NCOA2: variants seen among roughly 807,000 people sequenced by gnomAD.
NCOA2 encodes class E basic helix-loop-helix protein 75.
A neutral mutation model predicts 145.1 loss-of-function variants in NCOA2; 21 were observed. The observed-to-expected ratio is 0.14, with a 90% CI of 0.10 to 0.21. The LOEUF is 0.21. Among genes scored for constraint, NCOA2 ranks in the 10% least tolerant of loss-of-function variants. The pLI, the probability that NCOA2 is intolerant of heterozygous loss-of-function variation, is 1.00. For missense variants in NCOA2, 1,472 were observed against 1,837.6 expected (o/e 0.80, Z 3.64); for synonymous variants, 619 against 637.5 (o/e 0.97, Z 0.44).
intron 2 of NCOA2, among the ~76,000 whole-genome samples, chr8:70,229,505 C>G (rs994620230): frequency 6.6e-6 from 1 of 152,108 alleles, no homozygotes; most frequent in African/African-American, 2.4e-5. Context: ...AACTTCAGGG[C>G]ACCAAAGTGG....
chr8:70,328,646 A>G (rs974812529), intron 1 of NCOA2, among the ~76,000 whole-genome samples: 8 of 152,230 alleles, frequency 5.3e-5, no homozygotes, highest in Non-Finnish European at 1.2e-4. Flanking sequence ...GCAAGGTTCA[A>G]GACCATGTAC....
intron 2 of NCOA2, among the ~76,000 whole-genome samples, chr8:70,237,733 G>A (rs1259533223): frequency 2.6e-5 from 4 of 152,014 alleles, no homozygotes; most frequent in Non-Finnish European, 5.9e-5. Flanking sequence ...TCACATCACT[G>A]CACTCCAGCC....
intron 1 of NCOA2, among the ~76,000 whole-genome samples, chr8:70,335,963 A>G (rs1355818200): frequency 6.6e-6 from 1 of 152,190 alleles, no homozygotes; most frequent in African/African-American, 2.4e-5. Context: ...CAGTAAAAAT[A>G]CTGTCTGAAA....
chr8:70,328,297 G>C (rs1388791332), intron 1 of NCOA2, among the ~76,000 whole-genome samples: 1 of 152,152 alleles, frequency 6.6e-6, no homozygotes, highest in Non-Finnish European at 1.5e-5. Context: ...ATATTTCAGT[G>C]AAAGAAACCG....
upstream of NCOA2, among the ~76,000 whole-genome samples, chr8:70,408,257 A>G (rs574225794): frequency 1.2e-4 from 19 of 152,356 alleles, no homozygotes; most frequent in South Asian, 6.2e-4. Context: ...TTCACTAATG[A>G]TGATATAGTG....
chr8:70,297,302 G>T (rs553123622), intron 1 of NCOA2, among the ~76,000 whole-genome samples: 1 of 152,296 alleles, frequency 6.6e-6, no homozygotes, highest in East Asian at 1.9e-4. Context: ...AGGCCTGAAT[G>T]ACTAAATAAT....
chr8:70,305,243 C>T (rs1174990224), intron 1 of NCOA2, among the ~76,000 whole-genome samples: 1 of 151,732 alleles, frequency 6.6e-6, no homozygotes, highest in Non-Finnish European at 1.5e-5. Flanking sequence ...ACTTCCAACA[C>T]CTAAAGTACC....
chr8:70,343,612 G>C (rs946810160), intron 1 of NCOA2, among the ~76,000 whole-genome samples: 1 of 151,882 alleles, frequency 6.6e-6, no homozygotes, highest in African/African-American at 2.4e-5. Flanking sequence ...AGGAGAGTTC[G>C]AGACCAGCCT....
chr8:70,338,847 A>G lies in NCOA2; in HGVS notation c.-76-42047T>C, dbSNP rs563806385. Among the ~76,000 whole-genome samples the G allele has an allele frequency of 5.9e-5, 9 of 152,286 alleles. 1 individual carries two copies. Among genetic ancestry groups the G allele is most frequent in the African/African-American group, 2.2e-4 (9 of 41,562 alleles). ...TACATAAACTGCACTAAAGACAAAA[A>G]ACACATGATTATCTCAATACACGCA... On this transcript the variant is annotated intron_variant, in intron 1 of 22. Transcript: ENST00000452400.
intron 14 of NCOA2, among the ~76,000 whole-genome samples, chr8:70,139,294 T>C (rs535214568): frequency 6.6e-6 from 1 of 152,248 alleles, no homozygotes; most frequent in African/African-American, 2.4e-5. Context: ...ATAAAGCTTA[T>C]AGAGCCATAT....
the NCOA2 span, among the ~76,000 whole-genome samples, chr8:70,420,476 G>C: frequency 6.6e-6 from 1 of 152,182 alleles, no homozygotes; most frequent in Non-Finnish European, 1.5e-5. Flanking sequence ...CTAACTAAGA[G>C]AGAAGCAACC....
intron 1 of NCOA2, among the ~76,000 whole-genome samples, chr8:70,356,628 C>T (rs1219090485): frequency 6.6e-6 from 1 of 152,194 alleles, no homozygotes; most frequent in African/African-American, 2.4e-5. Flanking sequence ...TCCTGATTAA[C>T]CCTTTAAAAC....
intron 4 of NCOA2, among the ~76,000 whole-genome samples, chr8:70,190,903 T>G (rs1180991977): frequency 6.6e-6 from 1 of 152,040 alleles, no homozygotes; most frequent in Non-Finnish European, 1.5e-5. Context: ...ACATTATAAA[T>G]GAGAAAAATC....
At chr8:70,176,380 G>A (rs1814852161) in intron 4 of NCOA2, among the ~76,000 whole-genome samples, 1 of 152,112 alleles carries the variant, frequency 6.6e-6, no homozygotes, top group Admixed American at 6.5e-5. Context: ...CTCAATATTG[G>A]TGGATTTGTC....
chr8:70,156,111 C>T lies in NCOA2; in HGVS notation c.2254G>A (p.Asp752Asn), dbSNP rs1308878918. Residue 752 changes from aspartate to asparagine, a missense_variant, in exon 11 of 23, where the codon GAT (aspartate) becomes AAT (asparagine). By Grantham distance (23) the Asp-to-Asn change is conservative. Around this residue, in one of 4 missense-constraint regions of NCOA2, gnomAD observed 953 missense variants for 1,062.1 expected, o/e 0.90. Transcript: ENST00000452400. ...NALLRYLLDK[D>N]DTKDIGLPEI... ...GGTAAACCAATATCTTTAGTATCATCTTTATCTAGCAAATAGCGAAGTAGT... is the reference window on the plus strand; with the variant it reads ...GGTAAACCAATATCTTTAGTATCATTTTTATCTAGCAAATAGCGAAGTAGT... The T allele has an allele frequency of 1.9e-6, 3 of 1,613,872 alleles. No individual in the cohort carries two copies. The highest frequency in any genetic ancestry group is 1.7e-6 in the Non-Finnish European group (2 of 1,179,896).
At chr8:70,252,752 T>G (rs1050696555) in intron 2 of NCOA2, among the ~76,000 whole-genome samples, 2 of 152,238 alleles carry the variant, frequency 1.3e-5, no homozygotes, top group African/African-American at 2.4e-5. Context: ...ATTAATGTTT[T>G]CATTTATTCG....
chr8:70,388,273 T>C (rs1812851368), intron 1 of NCOA2, among the ~76,000 whole-genome samples: 2 of 152,242 alleles, frequency 1.3e-5, no homozygotes. Context: ...TCTCAAATTA[T>C]CATGCAGCTC....
chr8:70,277,994 A>T (rs902807312), intron 2 of NCOA2, among the ~76,000 whole-genome samples: 2 of 152,204 alleles, frequency 1.3e-5, no homozygotes, highest in Admixed American at 1.3e-4. Context: ...CAATACCACA[A>T]TCAATTTTAG....
chr8:70,275,952 A>C (rs114324041), intron 2 of NCOA2, among the ~76,000 whole-genome samples: 1 of 152,222 alleles, frequency 6.6e-6, no homozygotes, highest in South Asian at 2.1e-4. Flanking sequence ...TAAACTTTGC[A>C]AAGTTTTTGT....
Sources: gnomAD v4.1 joint callset for allele counts (sites outside exome capture counted in the v4.1 genomes callset) on GRCh38, gnomAD v4.1.1 for gene constraint, gnomAD v4.1.1 regional missense constraint, MANE v1.5 for transcripts, NCBI Gene and HGNC (gene_info 2026-07-23, HGNC 2026-07-21) for gene names.